Variants in IQCM observed in about 807,000 individuals in gnomAD.
IQCM encodes the protein IQ domain-containing protein M.
IQCM carries 45 observed loss-of-function variants against 57.6 expected under a neutral mutation model. That is an observed-to-expected ratio of 0.78 (90% CI 0.62 to 1.00). The LOEUF is 1.00. Ranked by LOEUF, IQCM falls within the 50% of genes least tolerant of loss-of-function variation. The probability of loss-of-function intolerance (pLI) is 0.00; values close to 1 mark genes in which losing one functional copy is unlikely to be tolerated. For missense variants in IQCM, 468 were observed against 511.6 expected (o/e 0.91, Z 0.82); for synonymous variants, 148 against 158.9 (o/e 0.93, Z 0.51).
intron 12 of IQCM, among the ~76,000 whole-genome samples, chr4:149,475,329 A>C (rs1030363073): frequency 6.6e-6 from 1 of 152,274 alleles, no homozygotes; most frequent in South Asian, 2.1e-4. Flanking sequence ...AATTGGAAGG[A>C]TGGAGTTGTC....
intron 9 of IQCM, among the ~76,000 whole-genome samples, chr4:149,586,733 A>G (rs1028041894): frequency 2.6e-5 from 4 of 151,656 alleles, no homozygotes; most frequent in Non-Finnish European, 4.4e-5. Flanking sequence ...AAAATCTGCT[A>G]TATGTAGAAT....
At chr4:149,387,556 A>G (rs1164494219) in intron 13 of IQCM, among the ~76,000 whole-genome samples, 1 of 152,040 alleles carries the variant, frequency 6.6e-6, no homozygotes, top group Non-Finnish European at 1.5e-5. Flanking sequence ...TTTTCAAGAA[A>G]AACTTTCTTT....
intron 10 of IQCM, among the ~76,000 whole-genome samples, chr4:149,561,224 G>GAGATAT (rs1750089831): frequency 6.6e-6 from 1 of 151,920 alleles, no homozygotes; most frequent in East Asian, 1.9e-4. Flanking sequence ...TAGAAATTCA[G>GAGATAT]CATTTTCCTT....
At chr4:149,577,658 A>G (rs1416504196) in intron 9 of IQCM, among the ~76,000 whole-genome samples, 4 of 67,714 alleles carry the variant, frequency 5.9e-5, no homozygotes, top group African/African-American at 2.3e-4. Context: ...TGAAGTAGGT[A>G]GTGTGATGCC....
At chr4:149,756,021 G>C (rs1253379231) in intron 2 of IQCM, among the ~76,000 whole-genome samples, 2 of 152,168 alleles carry the variant, frequency 1.3e-5, no homozygotes, top group African/African-American at 4.8e-5. Context: ...GTTTGGAGGA[G>C]AGCTGTCTAA....
intron 13 of IQCM, among the ~76,000 whole-genome samples, chr4:149,365,400 AAAT>A (rs780504845): frequency 4.6e-5 from 7 of 151,762 alleles, no homozygotes; most frequent in Non-Finnish European, 8.9e-5. Context: ...TATAATCAAT[AAAT>A]AAATGGTGAA....
intron 7 of IQCM, among the ~76,000 whole-genome samples, chr4:149,632,726 T>G (rs377122468): frequency 6.9e-4 from 105 of 152,348 alleles, no homozygotes; most frequent in African/African-American, 2.3e-3. Flanking sequence ...AACTAGCTTG[T>G]GACCTTACAA....
intron 5 of IQCM, among the ~76,000 whole-genome samples, chr4:149,710,387 A>G (rs1764472856): frequency 1.3e-5 from 2 of 152,116 alleles, no homozygotes; most frequent in Non-Finnish European, 1.5e-5. Flanking sequence ...GAACAATTTT[A>G]TCTAAGAAAC....
At chr4:149,406,471 G>A (rs1299512324) in intron 13 of IQCM, among the ~76,000 whole-genome samples, 1 of 152,080 alleles carries the variant, frequency 6.6e-6, no homozygotes, top group Non-Finnish European at 1.5e-5. Context: ...TGGCAAGAGG[G>A]AGCATGGGAA....
chr4:149,574,766 T>C (rs989294325), intron 9 of IQCM, among the ~76,000 whole-genome samples: 1 of 151,974 alleles, frequency 6.6e-6, no homozygotes, highest in African/African-American at 2.4e-5. Flanking sequence ...TTTTGGCTGA[T>C]ATTGAAGTAT....
intron 12 of IQCM, among the ~76,000 whole-genome samples, chr4:149,452,910 T>C (rs1737282048): frequency 6.6e-6 from 1 of 151,102 alleles, no homozygotes; most frequent in African/African-American, 2.4e-5. Context: ...AAAAAAGCTT[T>C]AAACAAATAG....
intron 7 of IQCM, among the ~76,000 whole-genome samples, chr4:149,646,514 G>A (rs892833637): frequency 1.3e-5 from 2 of 151,598 alleles, no homozygotes; most frequent in Admixed American, 6.6e-5. Flanking sequence ...TCTTAATATT[G>A]ATAAAAGGAC....
chr4:149,811,372 T>C (rs992732447), intron 2 of IQCM, among the ~76,000 whole-genome samples: 5 of 152,218 alleles, frequency 3.3e-5, no homozygotes, highest in African/African-American at 9.6e-5. Context: ...TACATAGTAC[T>C]GTATGTTTGT....
At chr4:149,549,036 G>T (rs1748743648) in intron 11 of IQCM, among the ~76,000 whole-genome samples, 1 of 152,088 alleles carries the variant, frequency 6.6e-6, no homozygotes, top group East Asian at 1.9e-4. Context: ...GGCTTATTCT[G>T]TTTCTAAAGT....
At chr4:149,496,281 G>A (rs1483756439) in intron 12 of IQCM, among the ~76,000 whole-genome samples, 1 of 152,040 alleles carries the variant, frequency 6.6e-6, no homozygotes, top group Non-Finnish European at 1.5e-5. Flanking sequence ...AATCCTGCAA[G>A]GATCTATGGT....
At chr4:149,433,955 A>C (rs1400724170) in intron 12 of IQCM, among the ~76,000 whole-genome samples, 1 of 152,134 alleles carries the variant, frequency 6.6e-6, no homozygotes, top group East Asian at 1.9e-4. Context: ...CATATATTGG[A>C]ACTACTAAAA....
intron 2 of IQCM, among the ~76,000 whole-genome samples, chr4:149,747,114 C>T (rs1440885558): frequency 6.6e-6 from 1 of 152,142 alleles, no homozygotes; most frequent in African/African-American, 2.4e-5. Context: ...TCTGTCAAGT[C>T]TCCTGGTGTC....
chr4:149,422,461 A>T (rs1323458311), intron 13 of IQCM, among the ~76,000 whole-genome samples: 1 of 152,072 alleles, frequency 6.6e-6, no homozygotes, highest in Admixed American at 6.6e-5. Context: ...AAAATATACA[A>T]AGGGCAAAAC....
chr4:149,480,392 C>T (rs1367763318), intron 12 of IQCM, among the ~76,000 whole-genome samples: 3 of 151,942 alleles, frequency 2.0e-5, no homozygotes, highest in African/African-American at 7.2e-5. Context: ...ATTAATCATC[C>T]CCATCTCCTC....
Sources: gnomAD v4.1 joint callset for allele counts (sites outside exome capture counted in the v4.1 genomes callset) on GRCh38, gnomAD v4.1.1 for gene constraint, MANE v1.5 for transcripts, NCBI Gene and HGNC (gene_info 2026-07-23, HGNC 2026-07-21) for gene names.